FCAMR: variants seen among roughly 807,000 people sequenced by gnomAD.
FCAMR encodes Fc alpha and mu receptor, also known as high affinity immunoglobulin alpha and immunoglobulin mu Fc receptor.
Under a neutral mutation model 52.2 loss-of-function variants are expected in FCAMR, and 51 were observed. That is an observed-to-expected ratio of 0.98 (90% CI 0.78 to 1.23). FCAMR has a LOEUF of 1.23. Ranked by LOEUF, FCAMR falls within the 50% of genes most tolerant of loss-of-function variation. The pLI, the probability that FCAMR is intolerant of heterozygous loss-of-function variation, is 0.00. For synonymous variants in FCAMR, 282 were observed against 262.0 expected, an observed-to-expected ratio of 1.08 and a Z score of -0.74; for missense variants, 719 against 712.6, an observed-to-expected ratio of 1.01 and a Z score of -0.10.
chr1:206,963,746 A>G (rs1355904942), intron 4 of FCAMR, among the ~76,000 whole-genome samples: 1 of 152,196 alleles, frequency 6.6e-6, no homozygotes, highest in Admixed American at 6.5e-5. Flanking sequence ...GAGGTGAATG[A>G]GACAGTTGTG....
chr1:206,967,742 A>T, intron 1 of FCAMR, 91 bp from the exon 2 acceptor site: 1 of 1,209,572 alleles, frequency 8.3e-7, no homozygotes, highest in Non-Finnish European at 1.2e-6. Context: ...TTAAAAATTA[A>T]ATCTCAGACC....
Position 206,961,212 on chromosome 1 carries a change from T to G in FCAMR, c.664A>C (p.Thr222Pro), listed in dbSNP as rs1395371987. 4 of 1,547,496 alleles carry G rather than the reference T, an allele frequency of 2.6e-6. No individual in the cohort carries two copies. In the Admixed American group the frequency reaches 7.9e-5, roughly 31 times the overall value. The change falls in exon 6 of 8, where the codon ACC (threonine) becomes CCC (proline). Residue 222 changes from threonine to proline, a missense_variant. Physicochemically the swap from Thr to Pro is conservative, Grantham distance 38 (BLOSUM62 -1). Coordinates refer to ENST00000324852, the MANE Select transcript of FCAMR (RefSeq NM_001170631.2). ...GCAGCTGGAGTGGCTGTGGGGAGGG[T>G]GCTGGCGGGACCTGTGTGGACAGCA... ...NLTISAGPAS[T>P]LPTATPAAGE...
At position 206,962,284 on chromosome 1, in the gene FCAMR, C is replaced by A; in HGVS notation, c.581G>T (p.Gly194Val). 1 of 1,614,200 alleles carries A rather than the reference C, an allele frequency of 6.2e-7. No homozygotes were observed. Among genetic ancestry groups the A allele is most frequent in the South Asian group, 1.1e-5 (1 of 91,080 alleles). Residue 194 changes from glycine (G) to valine (V), a missense_variant, in exon 5 of 8, where the codon GGA becomes GTA. Gly to Val is a moderately radical substitution (Grantham distance 109). Coordinates refer to ENST00000324852, the MANE Select transcript of FCAMR (RefSeq NM_001170631.2). ...ACTTCCAATGCCGCAGAGGTAGCAT[C>A]CGATGTCATCCGGGGACAGTTGGGA... ...RLSQLSPDDI[G>V]CYLCGIGSEN... is the part of the protein sequence containing the mutation.
In FCAMR at chr1:206,960,889, G is replaced by A. The variant is rs1242575580; in HGVS notation, c.987C>T (p.Gly329=). Residue 329 remains glycine (G), a synonymous_variant, in exon 6 of 8, where the codon GGC becomes GGT. Transcript: ENST00000324852. The part of the protein sequence containing the change: ...MSNTTEGVWE[G]TRSSVTNRAR... ...CCCTGTTTGTCACCGAGCTTCTGGT[G>A]CCCTCCCAAACACCTTCTGTTGTAT... 1 of 1,552,254 alleles carries A rather than the reference G, an allele frequency of 6.4e-7. No homozygotes were observed. Among genetic ancestry groups the A allele is most frequent in the Non-Finnish European group, 8.7e-7 (1 of 1,147,160 alleles).
At chr1:206,959,859 AC>A (rs1197147916) in intron 6 of FCAMR, 62 bp from the exon 7 acceptor site, 1 of 1,312,086 alleles carries the variant, frequency 7.6e-7, no homozygotes, top group East Asian at 2.3e-5. Flanking sequence ...AAGATTAAAG[AC>A]CATTTACCCA....
chr1:206,965,966 T>G, intron 3 of FCAMR, 108 bp from the exon 4 acceptor site: 1 of 1,466,176 alleles, frequency 6.8e-7, no homozygotes, highest in Non-Finnish European at 9.4e-7. Flanking sequence ...CCAGGCCAGA[T>G]AGCTCCAGGC....
chr1:206,966,679 C>T (rs527813748), intron 3 of FCAMR, among the ~76,000 whole-genome samples: 7 of 152,310 alleles, frequency 4.6e-5, no homozygotes, highest in South Asian at 4.1e-4. Flanking sequence ...CCATCACGTC[C>T]GACCTTATTG....
chr1:206,958,648 A>T lies in FCAMR; in HGVS notation c.1602T>A (p.Ile534=). Residue 534 remains isoleucine, a synonymous_variant, in exon 8 of 8, where the codon ATT becomes ATA. Coordinates refer to ENST00000324852, the MANE Select transcript of FCAMR (RefSeq NM_001170631.2). ...TCACTTCCAGAAAATGTGTCATCTG[A>T]ATTAAGGTGACCCTTTCTGCCTCCT... is the stretch of plus-strand genomic sequence containing the variant. ...TSQEAERVTL[I]QMTHFLEVNP... The T allele has an allele frequency of 6.2e-7, 1 of 1,614,024 alleles. No homozygotes were observed. Among genetic ancestry groups the T allele is most frequent in the Non-Finnish European group, 8.5e-7 (1 of 1,180,020 alleles).
chr1:206,961,904 A>T (rs1680520841), intron 5 of FCAMR, among the ~76,000 whole-genome samples: 1 of 152,216 alleles, frequency 6.6e-6, no homozygotes, highest in East Asian at 1.9e-4. Flanking sequence ...AGCTATCAGG[A>T]TCCTAAGAAG....
intron 3 of FCAMR, 110 bp downstream of exon 3, chr1:206,966,942 T>C: frequency 9.9e-7 from 1 of 1,014,970 alleles, no homozygotes; most frequent in Non-Finnish European, 1.5e-6. Flanking sequence ...CTGAGCATGG[T>C]TTATACCTGG....
chr1:206,966,823 G>A (rs1374656162), intron 3 of FCAMR, among the ~76,000 whole-genome samples: 1 of 152,190 alleles, frequency 6.6e-6, no homozygotes, highest in Non-Finnish European at 1.5e-5. Context: ...CTTGGGACTA[G>A]ATTCTAGGTA....
At position 206,959,745 on chromosome 1, in the gene FCAMR, T is replaced by C; in HGVS notation, c.1507A>G (p.Met503Val). Reference sequence around the variant, plus strand: ...GCCATAAGCATAAACAGGGCCAGCATGGTAGAGACAGGAGCCAGGGTCCGA... The same window carrying C: ...GCCATAAGCATAAACAGGGCCAGCACGGTAGAGACAGGAGCCAGGGTCCGA... ...SSRTLAPVST[M>V]LALFMLMALV... is the part of the protein sequence containing the mutation. Residue 503 changes from methionine to valine, a missense_variant, in exon 7 of 8, where the codon ATG (methionine) becomes GTG (valine). Physicochemically the swap from Met to Val is conservative, Grantham distance 21 (BLOSUM62 1). Coordinates refer to ENST00000324852, the MANE Select transcript of FCAMR (RefSeq NM_001170631.2). 1 of 1,614,108 alleles carries C rather than the reference T, an allele frequency of 6.2e-7. No individual in the cohort carries two copies. Among genetic ancestry groups the C allele is most frequent in the Non-Finnish European group, 8.5e-7 (1 of 1,180,016 alleles).
At chr1:206,965,889 G>C (rs1368348963) in intron 3 of FCAMR, 31 bp from the exon 4 acceptor site, 2 of 1,608,868 alleles carry the variant, frequency 1.2e-6, no homozygotes, top group Non-Finnish European at 1.7e-6. Context: ...GGGTCATCAG[G>C]GGGCCATCCA....
intron 3 of FCAMR, among the ~76,000 whole-genome samples, chr1:206,966,339 G>A (rs924689824): frequency 2.0e-5 from 3 of 152,202 alleles, no homozygotes; most frequent in African/African-American, 7.2e-5. Context: ...AAGAGGTGGT[G>A]TGATTTTATC....
intron 6 of FCAMR, chr1:206,960,075 C>T (rs1424955735): frequency 2.0e-6 from 1 of 509,328 alleles, no homozygotes; most frequent in African/African-American, 1.9e-5. Context: ...CAAGCGACTC[C>T]AGCCTCAGCA....
chr1:206,967,029 C>A (rs1373001618), intron 3 of FCAMR, 23 bp downstream of exon 3: 1 of 1,613,232 alleles, frequency 6.2e-7, no homozygotes, highest in Non-Finnish European at 8.5e-7. Context: ...AAGCCCTGAA[C>A]CTGGGCTGGG....
chr1:206,960,899 A>G lies in FCAMR; in HGVS notation c.977T>C (p.Val326Ala). The G allele has an allele frequency of 6.4e-7, 1 of 1,552,106 alleles. No homozygotes were observed. The highest frequency in any genetic ancestry group is 2.4e-5 in the East Asian group (1 of 40,922). ...CACCGAGCTTCTGGTGCCCTCCCAAACACCTTCTGTTGTATTGGACATGCT... is the reference window on the plus strand; with the variant it reads ...CACCGAGCTTCTGGTGCCCTCCCAAGCACCTTCTGTTGTATTGGACATGCT... The part of the protein sequence containing the change: ...SRSMSNTTEG[V>A]WEGTRSSVTN... The change falls in exon 6 of 8, where the codon GTT becomes GCT. Residue 326 changes from valine to alanine, a missense_variant. Coordinates refer to ENST00000324852, the MANE Select transcript of FCAMR (RefSeq NM_001170631.2).
rs536245626 is a variant in FCAMR at position 206,960,256 on chromosome 1, G to A, written c.1454+166C>T. 427 of 651,878 alleles carry A rather than the reference G, an allele frequency of 6.6e-4. 4 individuals carry two copies. The highest frequency in any genetic ancestry group is 4.2e-4 in the Middle Eastern group (1 of 2,366). The allele number at this position is 651,878 out of a possible 1,614,324, so 40.4% of individuals were successfully genotyped here. ...AACCACATGGAAATACTCAGGGAGC[G>A]TTCTCACAGCAAGGCCCCTTGGGTG... On this transcript the variant is annotated intron_variant, in intron 6 of 7. Coordinates refer to ENST00000324852, the MANE Select transcript of FCAMR (RefSeq NM_001170631.2).
At chr1:206,967,771 G>C in intron 1 of FCAMR, 120 bp from the exon 2 acceptor site, 1 of 878,154 alleles carries the variant, frequency 1.1e-6, no homozygotes. Context: ...CTCTGCACTA[G>C]GGTGCTATTC....
Sources: allele counts gnomAD v4.1 joint callset (sites outside exome capture counted in the v4.1 genomes callset), GRCh38; gene constraint gnomAD v4.1.1; transcripts MANE v1.5; gene names NCBI Gene and HGNC (gene_info 2026-07-23, HGNC 2026-07-21).